RIMBP2: variants seen among roughly 807,000 people sequenced by gnomAD.
RIMBP2 encodes the protein RIMS binding protein 2, also known as RIMS-binding protein 2.
A neutral mutation model predicts 118.6 loss-of-function variants in RIMBP2; 48 were observed. The ratio of observed to expected loss-of-function variants is 0.40; its 90% confidence interval spans 0.32 to 0.51. The LOEUF (loss-of-function observed/expected upper bound fraction) is 0.51. Ranked by LOEUF, RIMBP2 falls within the 20% of genes least tolerant of loss-of-function variation. The pLI is 0.41. For missense variants in RIMBP2, 1,551 were observed against 1,768.3 expected (o/e 0.88, Z 2.20); for synonymous variants, 762 against 742.9 (o/e 1.03, Z -0.42).
At chr12:130,648,043 G>A (rs922875024) in intron 1 of RIMBP2, among the ~76,000 whole-genome samples, 19 of 146,582 alleles carry the variant, frequency 1.3e-4, no homozygotes, top group Non-Finnish European at 1.1e-4. Context: ...GTACACACCC[G>A]CCTCACGTGG....
intron 4 of RIMBP2, among the ~76,000 whole-genome samples, chr12:130,494,005 T>C (rs1409396996): frequency 6.6e-6 from 1 of 152,174 alleles, no homozygotes; most frequent in East Asian, 1.9e-4. Flanking sequence ...CCCTGGCTTG[T>C]GTGGGGCTGA....
chr12:130,603,882 C>G (rs2129664), intron 2 of RIMBP2, among the ~76,000 whole-genome samples: 103,839 of 152,104 alleles, frequency 0.68, 35,615 homozygotes, highest in South Asian at 0.81. Flanking sequence ...CTATGTCACT[C>G]GCTTAGATAT....
chr12:130,661,270 C>T (rs903631611), intron 1 of RIMBP2, among the ~76,000 whole-genome samples: 15 of 152,142 alleles, frequency 9.9e-5, no homozygotes, highest in Non-Finnish European at 1.8e-4. Flanking sequence ...CATGTGACCA[C>T]ACCTTAGCCA....
intron 1 of RIMBP2, among the ~76,000 whole-genome samples, chr12:130,702,277 G>A (rs2065888438): frequency 6.6e-6 from 1 of 152,052 alleles, no homozygotes; most frequent in Non-Finnish European, 1.5e-5. Context: ...AGCACTTTGG[G>A]AGGCCCAGGT....
At chr12:130,696,098 G>A (rs1433247210) in intron 1 of RIMBP2, among the ~76,000 whole-genome samples, 2 of 152,196 alleles carry the variant, frequency 1.3e-5, no homozygotes, top group Admixed American at 1.3e-4. Flanking sequence ...AGCTGCAGAA[G>A]GTACCAACGA....
intron 2 of RIMBP2, among the ~76,000 whole-genome samples, chr12:130,569,599 T>C (rs1407813556): frequency 1.3e-5 from 2 of 152,224 alleles, no homozygotes; most frequent in Admixed American, 1.3e-4. Flanking sequence ...GATTGGATCA[T>C]GGTTTATACC....
chr12:130,489,250 G>A (rs866726993), intron 4 of RIMBP2, among the ~76,000 whole-genome samples: 14 of 152,260 alleles, frequency 9.2e-5, no homozygotes, highest in Admixed American at 3.3e-4. Context: ...AATACGCATC[G>A]GATAGAATGG....
chr12:130,519,845 G>A (rs531946555), intron 2 of RIMBP2, among the ~76,000 whole-genome samples: 2 of 152,310 alleles, frequency 1.3e-5, no homozygotes, highest in Non-Finnish European at 2.9e-5. Flanking sequence ...TGCACTCTCT[G>A]TGACTTAAGG....
intron 1 of RIMBP2, among the ~76,000 whole-genome samples, chr12:130,666,836 A>G: frequency 9.1e-6 from 1 of 109,434 alleles, no homozygotes. Flanking sequence ...GAAGGGAGGG[A>G]GGGAGAGAAT....
chr12:130,457,609 C>T (rs1593373496), intron 6 of RIMBP2, among the ~76,000 whole-genome samples: 1 of 152,252 alleles, frequency 6.6e-6, no homozygotes, highest in East Asian at 1.9e-4. Context: ...ACTCTACCTT[C>T]TCACCCCGCG....
chr12:130,434,953 C>T lies in RIMBP2; in HGVS notation c.2107-73G>A. 6.7e-7 allele frequency: 1 copy of T among 1,489,026 alleles called. No individual in the cohort carries two copies. Among genetic ancestry groups the T allele is most frequent in the Non-Finnish European group, 9.0e-7 (1 of 1,111,306 alleles). The allele number at this position is 1,489,026 out of a possible 1,614,324, so 92.2% of individuals were successfully genotyped here. On this transcript the variant is annotated intron_variant, in intron 13 of 22. Transcript: ENST00000690449. This position sits in a 1 kb window ranked among gnomAD's most constrained non-coding sequence, Gnocchi z 5.7. ...CTACGCTCAGCCCCACCTGCATTCA[C>T]CAAACCTTCAGCCCCTCAGAGCCTG...
At chr12:130,460,966 G>A (rs534489626) in intron 6 of RIMBP2, among the ~76,000 whole-genome samples, 4 of 150,352 alleles carry the variant, frequency 2.7e-5, no homozygotes, top group South Asian at 2.1e-4. Context: ...CCTGAGAAAC[G>A]CCCCCAGGCT....
intron 6 of RIMBP2, among the ~76,000 whole-genome samples, chr12:130,460,619 C>T (rs188035303): frequency 5.9e-5 from 9 of 152,242 alleles, no homozygotes; most frequent in Non-Finnish European, 8.8e-5. Flanking sequence ...TTACTACCTG[C>T]AAGCGTACTG....
At position 130,580,507 on chromosome 12, in the gene RIMBP2, T is replaced by C. The variant is rs564021601; in HGVS notation, c.-217+47815A>G. Among the ~76,000 whole-genome samples the C allele has an allele frequency of 3.3e-5, 5 of 152,378 alleles. No homozygotes were observed. In the East Asian group the frequency reaches 7.7e-4, roughly 23 times the overall value. ...ACAGCCATGTGGAACTGTGAGTCCA[T>C]TAAACCTCTTTCCTTTGTAAGTTAC... On this transcript the variant is annotated intron_variant, in intron 2 of 22. Transcript: ENST00000690449.
chr12:130,603,246 C>T (rs527826066), intron 2 of RIMBP2, among the ~76,000 whole-genome samples: 1 of 152,222 alleles, frequency 6.6e-6, no homozygotes, highest in Non-Finnish European at 1.5e-5. Context: ...GGCAGGGAAG[C>T]ATGCCCACCT....
chr12:130,477,222 CAG>C lies in RIMBP2; in HGVS notation c.102+1688_102+1689del, dbSNP rs1027160052. ...AGAAGAGATCGTGGACGCGGAATAA[CAG>C]AGTCAGTTCCAGGTCATTCTCCTTG... On this transcript the variant is annotated intron_variant, in intron 5 of 22. Coordinates refer to ENST00000690449, the MANE Select transcript of RIMBP2 (RefSeq NM_001393629.1). Among the ~76,000 whole-genome samples, 13 of 152,190 alleles carry C rather than the reference CAG, an allele frequency of 8.5e-5. 1 individual carries two copies. The highest frequency in any genetic ancestry group is 7.9e-4 in the Admixed American group (12 of 15,276).
intron 11 of RIMBP2, 108 bp downstream of exon 11, chr12:130,441,740 T>A (rs2078156851): frequency 1.0e-6 from 1 of 961,826 alleles, no homozygotes; most frequent in Admixed American, 2.6e-5. Context: ...GGTCATGTTG[T>A]CAGGATGGGG....
At chr12:130,664,032 A>T (rs528031214) in intron 1 of RIMBP2, among the ~76,000 whole-genome samples, 59 of 151,316 alleles carry the variant, frequency 3.9e-4, no homozygotes, top group Middle Eastern at 3.4e-3. Context: ...GGTTTTTTTT[A>T]AAAAATCTAT....
chr12:130,649,589 C>T (rs2063140077), intron 1 of RIMBP2, among the ~76,000 whole-genome samples: 1 of 152,204 alleles, frequency 6.6e-6, no homozygotes. Context: ...GGCTAGCAGA[C>T]TCTTCCTTGG....
Sources: gnomAD v4.1 joint callset for allele counts (sites outside exome capture counted in the v4.1 genomes callset) on GRCh38, gnomAD v4.1.1 for gene constraint, Gnocchi (gnomAD v3.1) non-coding constraint, MANE v1.5 for transcripts, NCBI Gene and HGNC (gene_info 2026-07-23, HGNC 2026-07-21) for gene names.